Variants in GPC5 observed in about 807,000 individuals in gnomAD.
The protein encoded by GPC5 is glypican-5.
In GPC5, 47 loss-of-function variants were observed where a neutral mutation model predicts 53.9. That is an observed-to-expected ratio of 0.87 (90% CI 0.69 to 1.11). The LOEUF (loss-of-function observed/expected upper bound fraction) is 1.11, where lower values mean the gene tolerates loss of function less well. Ranked by LOEUF, GPC5 falls within the 50% of genes most tolerant of loss-of-function variation. GPC5 has a pLI of 0.00. For missense variants in GPC5, 748 were observed against 713.1 expected, an observed-to-expected ratio of 1.05 and a Z score of -0.56; for synonymous variants, 286 against 263.3, an observed-to-expected ratio of 1.09 and a Z score of -0.84.
intron 6 of GPC5, among the ~76,000 whole-genome samples, chr13:91,987,859 AT>A (rs1405390372): frequency 6.9e-6 from 1 of 145,458 alleles, no homozygotes; most frequent in African/African-American, 2.5e-5. Flanking sequence ...AATTATATAT[AT>A]TATTTTATAT....
chr13:92,120,148 C>T (rs1013869565), intron 6 of GPC5, among the ~76,000 whole-genome samples: 9 of 152,134 alleles, frequency 5.9e-5, no homozygotes, highest in South Asian at 2.1e-4. Flanking sequence ...TTATTCCATC[C>T]GCTAATTTAC....
chr13:91,628,456 C>T (rs927218876), intron 2 of GPC5, among the ~76,000 whole-genome samples: 9 of 149,614 alleles, frequency 6.0e-5, no homozygotes, highest in African/African-American at 1.2e-4. Context: ...TATGTTTAAC[C>T]GTAGCTACCT....
At chr13:91,437,134 T>C (rs1490292112) in intron 1 of GPC5, among the ~76,000 whole-genome samples, 2 of 152,210 alleles carry the variant, frequency 1.3e-5, no homozygotes, top group East Asian at 1.9e-4. Context: ...GTCTTGACTC[T>C]TTATCCAATT....
intron 6 of GPC5, among the ~76,000 whole-genome samples, chr13:92,001,928 T>A (rs567560475): frequency 1.3e-5 from 2 of 152,372 alleles, no homozygotes; most frequent in African/African-American, 4.8e-5. Context: ...CCATTTGGAA[T>A]GTAGGTCAAA....
intron 2 of GPC5, among the ~76,000 whole-genome samples, chr13:91,644,282 T>C (rs1488959778): frequency 6.6e-6 from 1 of 152,108 alleles, no homozygotes; most frequent in Non-Finnish European, 1.5e-5. Context: ...TTACCTCTCA[T>C]AGAGGGTAGA....
rs542419358 is a variant in GPC5 at position 91,971,122 on chromosome 13, T to C, written c.1401+63065T>C. 4.6e-5 allele frequency among the ~76,000 whole-genome samples: 7 copies of C among 152,376 alleles called. No homozygotes were observed. The South Asian group carries it at 1.4e-3, about 32-fold the overall frequency. ...GGACTTTTTTTGGTTGGTAGACTAT[T>C]GATTATTCCCACAATTTCAGAGCCT... On this transcript the variant is annotated intron_variant, in intron 6 of 7. Transcript: ENST00000377067.
intron 6 of GPC5, among the ~76,000 whole-genome samples, chr13:91,957,676 G>A (rs555697695): frequency 1.3e-5 from 2 of 152,038 alleles, no homozygotes; most frequent in African/African-American, 4.8e-5. Context: ...AAAACTATCA[G>A]CCAAGGATAC....
At chr13:91,820,095 T>C (rs2038466728) in intron 5 of GPC5, among the ~76,000 whole-genome samples, 1 of 152,310 alleles carries the variant, frequency 6.6e-6, no homozygotes, top group East Asian at 1.9e-4. Flanking sequence ...TTTGTCATTG[T>C]CATTGTTGGT....
chr13:92,069,295 A>G (rs944027302), intron 6 of GPC5, among the ~76,000 whole-genome samples: 6 of 152,078 alleles, frequency 3.9e-5, no homozygotes, highest in African/African-American at 1.4e-4. Flanking sequence ...TTTCAAGATT[A>G]TTTAGACTGT....
chr13:91,744,612 T>G (rs1311283485), intron 4 of GPC5, among the ~76,000 whole-genome samples: 1 of 152,088 alleles, frequency 6.6e-6, no homozygotes, highest in Non-Finnish European at 1.5e-5. Flanking sequence ...ATGCAAAAGA[T>G]AAAAGAAGGA....
intron 7 of GPC5, among the ~76,000 whole-genome samples, chr13:92,381,897 A>ATGTTATATAT (rs1218262542): frequency 2.0e-5 from 2 of 101,336 alleles, no homozygotes; most frequent in African/African-American, 7.4e-5. Context: ...TATTATATAT[A>ATGTTATATAT]ATCATATATA....
At chr13:92,049,070 G>A (rs1223227855) in intron 6 of GPC5, among the ~76,000 whole-genome samples, 4 of 152,046 alleles carry the variant, frequency 2.6e-5, no homozygotes. Flanking sequence ...AGAAATTTTG[G>A]TATAGTCTAA....
chr13:92,516,888 C>A (rs1437806190), intron 7 of GPC5, among the ~76,000 whole-genome samples: 1 of 152,136 alleles, frequency 6.6e-6, no homozygotes, highest in Non-Finnish European at 1.5e-5. Context: ...GGCATCACTT[C>A]ACCTGGGAAG....
intron 6 of GPC5, among the ~76,000 whole-genome samples, chr13:92,104,043 C>CG (rs1226517857): frequency 1.3e-5 from 2 of 151,990 alleles, no homozygotes; most frequent in Non-Finnish European, 1.5e-5. Context: ...GCAAATACCC[C>CG]GGGGGAAAAA....
chr13:91,869,957 T>G (rs1398930594), intron 5 of GPC5, among the ~76,000 whole-genome samples: 1 of 152,098 alleles, frequency 6.6e-6, no homozygotes, highest in Non-Finnish European at 1.5e-5. Flanking sequence ...TCCCACCAGG[T>G]CCTTCCGCTA....
At position 92,518,864 on chromosome 13, in the gene GPC5, G is replaced by A. The variant is rs1039409251; in HGVS notation, c.1562-347418G>A. On this transcript the variant is annotated intron_variant, in intron 7 of 7. Transcript: ENST00000377067. ...GGATAAAGAGTCAAGACCCTTCAGTGTGCTGTATTCAGGAGACCCATCTCA... is the reference window on the plus strand; with the variant it reads ...GGATAAAGAGTCAAGACCCTTCAGTATGCTGTATTCAGGAGACCCATCTCA... Among the ~76,000 whole-genome samples the A allele has an allele frequency of 7.4e-4, 112 of 152,156 alleles. 2 individuals are homozygous for A. The highest frequency in any genetic ancestry group is 5.2e-4 in the Admixed American group (8 of 15,274).
chr13:92,794,232 C>T (rs914605773), intron 7 of GPC5, among the ~76,000 whole-genome samples: 3 of 151,978 alleles, frequency 2.0e-5, no homozygotes, highest in African/African-American at 4.8e-5. Context: ...GTTCGACATA[C>T]GTGAATCAAT....
chr13:91,742,019 G>A (rs1331645560), intron 4 of GPC5, among the ~76,000 whole-genome samples: 1 of 152,144 alleles, frequency 6.6e-6, no homozygotes, highest in African/African-American at 2.4e-5. Flanking sequence ...TCTGCTTAAT[G>A]TAAAACAGTG....
intron 7 of GPC5, among the ~76,000 whole-genome samples, chr13:92,231,996 T>C (rs928122071): frequency 2.0e-5 from 3 of 151,868 alleles, no homozygotes; most frequent in Admixed American, 6.6e-5. Flanking sequence ...AACAAAAACA[T>C]GGAAATTCCC....
Sources: allele counts gnomAD v4.1 joint callset (sites outside exome capture counted in the v4.1 genomes callset), GRCh38; gene constraint gnomAD v4.1.1; transcripts MANE v1.5; gene names NCBI Gene and HGNC (gene_info 2026-07-23, HGNC 2026-07-21).